The following LCLAT1 variants were observed in gnomAD, a reference collection of about 807,000 sequenced individuals.
LCLAT1 encodes 1-AGP acyltransferase 8.
Under a neutral mutation model 30.7 loss-of-function variants are expected in LCLAT1, and 11 were observed. The observed-to-expected ratio is 0.36, with a 90% CI of 0.23 to 0.59. The LOEUF is 0.59. LCLAT1 is among the 20% of genes least tolerant of loss of function. LCLAT1 has a pLI of 0.77. For missense variants in LCLAT1, 402 were observed against 458.6 expected (o/e 0.88, Z 1.13); for synonymous variants, 155 against 151.3 (o/e 1.02, Z -0.18).
At chr2:30,616,039 C>T (rs945449214) in intron 5 of LCLAT1, among the ~76,000 whole-genome samples, 11 of 151,904 alleles carry the variant, frequency 7.2e-5, no homozygotes, top group Non-Finnish European at 1.5e-4. Flanking sequence ...TCACAGTTTA[C>T]CCAGGCCAGT....
At chr2:30,593,087 C>G (rs533346983) in intron 5 of LCLAT1, among the ~76,000 whole-genome samples, 1 of 152,310 alleles carries the variant, frequency 6.6e-6, no homozygotes, top group African/African-American at 2.4e-5. Flanking sequence ...TTGCCAGCCT[C>G]TGGTAACCAT....
intron 5 of LCLAT1, among the ~76,000 whole-genome samples, chr2:30,569,226 T>G (rs1482533633): frequency 6.6e-6 from 1 of 152,206 alleles, no homozygotes; most frequent in Non-Finnish European, 1.5e-5. Flanking sequence ...GAGCAGAAAG[T>G]GATTCCGTTG....
intron 1 of LCLAT1, among the ~76,000 whole-genome samples, chr2:30,471,470 A>C (rs1194460670): frequency 6.6e-6 from 1 of 152,180 alleles, no homozygotes; most frequent in African/African-American, 2.4e-5. Flanking sequence ...TCAGCCTCCC[A>C]AAGTGCTGGG....
At chr2:30,622,275 C>T (rs927829336) in intron 5 of LCLAT1, among the ~76,000 whole-genome samples, 8 of 152,212 alleles carry the variant, frequency 5.3e-5, no homozygotes, top group Non-Finnish European at 8.8e-5. Flanking sequence ...AGCCTGAGCT[C>T]AGACCAGCCT....
intron 3 of LCLAT1, among the ~76,000 whole-genome samples, chr2:30,553,758 T>A (rs1453321857): frequency 6.6e-6 from 1 of 151,478 alleles, no homozygotes; most frequent in East Asian, 1.9e-4. Flanking sequence ...GAGCTTGCAG[T>A]GAGCCGAGAT....
intron 1 of LCLAT1, among the ~76,000 whole-genome samples, chr2:30,500,049 C>T (rs918166160): frequency 3.9e-5 from 6 of 152,092 alleles, no homozygotes; most frequent in African/African-American, 1.4e-4. Context: ...TATATAAAGC[C>T]ATTGTCTTTG....
At position 30,642,529 on chromosome 2, in the gene LCLAT1, G is replaced by C. The variant is rs1357032495; in HGVS notation, c.*1910G>C. 6.6e-6 allele frequency: 1 copy of C among 151,418 alleles called. No individual in the cohort carries two copies. Among genetic ancestry groups the C allele is most frequent in the Admixed American group, 6.6e-5 (1 of 15,204 alleles). The allele number at this position is 151,418 out of a possible 1,614,324, so 9.4% of individuals were successfully genotyped here. A position where few individuals can be genotyped will look rare whatever the true frequency, so the allele number is the denominator to read the frequency against. On this transcript the variant is annotated 3_prime_UTR_variant, in exon 6 of 6. Transcript: ENST00000379509. ...AGAAACACAAATAGTTTTATAATCA[G>C]GATTGCATTTGTGCTGGGTAAAAGA...
intron 5 of LCLAT1, among the ~76,000 whole-genome samples, chr2:30,568,420 C>CAG (rs1558525825): frequency 6.7e-6 from 1 of 150,210 alleles, no homozygotes; most frequent in African/African-American, 2.5e-5. Flanking sequence ...CTCTATATTA[C>CAG]ATATATATAT....
chr2:30,638,376 A>G (rs1397601365), intron 5 of LCLAT1, among the ~76,000 whole-genome samples: 1 of 152,172 alleles, frequency 6.6e-6, no homozygotes, highest in Non-Finnish European at 1.5e-5. Flanking sequence ...CATGTAATCC[A>G]CACCTGAATC....
chr2:30,542,145 T>C (rs1421837147), intron 3 of LCLAT1, among the ~76,000 whole-genome samples: 1 of 152,178 alleles, frequency 6.6e-6, no homozygotes, highest in Non-Finnish European at 1.5e-5. Flanking sequence ...ATTTTTGCAG[T>C]TTTTTACCCC....
chr2:30,568,274 C>T (rs1346619364), intron 5 of LCLAT1, 98 bp downstream of exon 5: 5 of 589,532 alleles, frequency 8.5e-6, no homozygotes, highest in Non-Finnish European at 1.2e-5. Flanking sequence ...TTTTTTACTA[C>T]TTTGTCTCAA....
intron 3 of LCLAT1, among the ~76,000 whole-genome samples, chr2:30,547,088 C>T (rs985157990): frequency 1.3e-5 from 2 of 152,270 alleles, no homozygotes; most frequent in Admixed American, 6.5e-5. Flanking sequence ...AGTTTTGCTA[C>T]CTACAGTAGG....
intron 1 of LCLAT1, among the ~76,000 whole-genome samples, chr2:30,498,267 C>CT (rs1684211893): frequency 6.6e-6 from 1 of 152,124 alleles, no homozygotes; most frequent in Non-Finnish European, 1.5e-5. Context: ...GAAAGCACCA[C>CT]TTAGAAGTAT....
chr2:30,560,366 C>T (rs1332056837), intron 3 of LCLAT1, among the ~76,000 whole-genome samples: 1 of 150,616 alleles, frequency 6.6e-6, no homozygotes, highest in Non-Finnish European at 1.5e-5. Flanking sequence ...CTCCATTGCC[C>T]AACTATGTTG....
Position 30,559,632 on chromosome 2 carries a change from T to C in LCLAT1, c.365-2514T>C, listed in dbSNP as rs1869430. On this transcript the variant is annotated intron_variant, in intron 3 of 5. Coordinates refer to ENST00000379509, the MANE Select transcript of LCLAT1 (RefSeq NM_001002257.3). ...GATAATCTATAGCTTTATTTAATTT[T>C]TGGCTTTGTCAGCCAAATTCTCACA... Among the ~76,000 whole-genome samples, 225 of 152,356 alleles carry C rather than the reference T, an allele frequency of 1.5e-3. 3 individuals are homozygous for C. In the East Asian group the frequency reaches 0.036, roughly 24 times the overall value.
chr2:30,599,704 C>CTTCT (rs1667091858), intron 5 of LCLAT1, among the ~76,000 whole-genome samples: 6 of 152,032 alleles, frequency 3.9e-5, no homozygotes, highest in African/African-American at 1.5e-4. Flanking sequence ...ATATAATGCC[C>CTTCT]TTCTTTGTCT....
At chr2:30,467,438 T>C (rs1390913128) in intron 1 of LCLAT1, among the ~76,000 whole-genome samples, 14 of 152,244 alleles carry the variant, frequency 9.2e-5, no homozygotes, top group Admixed American at 9.2e-4. Flanking sequence ...TTTATAATCC[T>C]TTGGGTATAT....
At chr2:30,621,514 C>A (rs899654454) in intron 5 of LCLAT1, among the ~76,000 whole-genome samples, 2 of 152,102 alleles carry the variant, frequency 1.3e-5, no homozygotes, top group African/African-American at 4.8e-5. Context: ...GGCTTTTGAT[C>A]CAAGAAATAC....
chr2:30,599,184 G>A (rs1667066921), intron 5 of LCLAT1, among the ~76,000 whole-genome samples: 1 of 152,028 alleles, frequency 6.6e-6, no homozygotes, highest in Non-Finnish European at 1.5e-5. Flanking sequence ...GTTTCACCAT[G>A]TTCGCCAGGC....
Sources: gnomAD v4.1 joint callset for allele counts (sites outside exome capture counted in the v4.1 genomes callset) on GRCh38, gnomAD v4.1.1 for gene constraint, MANE v1.5 for transcripts, NCBI Gene and HGNC (gene_info 2026-07-23, HGNC 2026-07-21) for gene names.